Variants in SGCZ observed in about 807,000 individuals in gnomAD.
SGCZ encodes the protein zeta-sarcoglycan.
Under a neutral mutation model 41.3 loss-of-function variants are expected in SGCZ, and 40 were observed. The ratio of observed to expected loss-of-function variants is 0.97; its 90% confidence interval spans 0.75 to 1.26. SGCZ has a LOEUF of 1.26. SGCZ is among the 50% of genes most tolerant of loss of function. The pLI is 0.00. For synonymous variants in SGCZ, 206 were observed against 137.5 expected (o/e 1.50, Z -3.49); for missense variants, 552 against 369.8 (o/e 1.49, Z -4.04).
intron 5 of SGCZ, among the ~76,000 whole-genome samples, chr8:14,126,041 G>A (rs1336859313): frequency 2.6e-5 from 4 of 152,164 alleles, no homozygotes; most frequent in African/African-American, 9.7e-5. Context: ...AGAAAGGCTA[G>A]GCAATAACAT....
At chr8:14,349,852 A>G (rs1003597479) in intron 2 of SGCZ, among the ~76,000 whole-genome samples, 13 of 152,156 alleles carry the variant, frequency 8.5e-5, no homozygotes, top group African/African-American at 2.9e-4. Context: ...CTATGACCAA[A>G]TAAGTTAGAA....
intron 6 of SGCZ, among the ~76,000 whole-genome samples, chr8:14,105,999 ATATT>A (rs1398695330): frequency 5.9e-5 from 9 of 152,122 alleles, no homozygotes; most frequent in Non-Finnish European, 1.0e-4. Context: ...AGCTGTGTCT[ATATT>A]AAAACACAGA....
At chr8:15,066,152 C>CA (rs1302783353) in intron 1 of SGCZ, among the ~76,000 whole-genome samples, 2 of 151,382 alleles carry the variant, frequency 1.3e-5, no homozygotes, top group Non-Finnish European at 2.9e-5. Context: ...ACCAAAAATA[C>CA]AAAAAATTAG....
chr8:14,382,409 A>C (rs1382656809), intron 2 of SGCZ, among the ~76,000 whole-genome samples: 1 of 151,208 alleles, frequency 6.6e-6, no homozygotes, highest in East Asian at 1.9e-4. Flanking sequence ...GGTCACTAAC[A>C]AAAAAATTTA....
intron 3 of SGCZ, among the ~76,000 whole-genome samples, chr8:14,314,739 T>G (rs1326488660): frequency 6.6e-6 from 1 of 152,172 alleles, no homozygotes. Flanking sequence ...AATTTACTTA[T>G]GTTTGTATTT....
At chr8:14,726,833 G>C (rs1449063464) in intron 1 of SGCZ, among the ~76,000 whole-genome samples, 1 of 151,662 alleles carries the variant, frequency 6.6e-6, no homozygotes, top group East Asian at 1.9e-4. Context: ...GCCAAATACT[G>C]TCTGTCACCT....
At chr8:14,833,881 A>C (rs1408321541) in intron 1 of SGCZ, among the ~76,000 whole-genome samples, 1 of 152,190 alleles carries the variant, frequency 6.6e-6, no homozygotes, top group Admixed American at 6.5e-5. Flanking sequence ...CTCTAAGAAT[A>C]TTTATGAAAA....
At chr8:14,486,637 C>A (rs567530679) in intron 2 of SGCZ, among the ~76,000 whole-genome samples, 6 of 152,288 alleles carry the variant, frequency 3.9e-5, no homozygotes, top group African/African-American at 1.4e-4. Context: ...GCCACGGCAC[C>A]ATCACGGCTC....
At chr8:14,860,432 G>A (rs985590507) in intron 1 of SGCZ, among the ~76,000 whole-genome samples, 1 of 150,820 alleles carries the variant, frequency 6.6e-6, no homozygotes. Context: ...ATGGAGGGAG[G>A]GAGAGGGAAA....
At chr8:14,734,823 G>T (rs531814460) in intron 1 of SGCZ, among the ~76,000 whole-genome samples, 1 of 141,732 alleles carries the variant, frequency 7.1e-6, no homozygotes, top group African/African-American at 2.7e-5. Context: ...AATAAAAATT[G>T]TATGTAGTGG....
chr8:14,947,790 A>G (rs764562349), intron 1 of SGCZ, among the ~76,000 whole-genome samples: 25 of 152,172 alleles, frequency 1.6e-4, no homozygotes, highest in South Asian at 8.3e-4. Flanking sequence ...CGTTCAGTAT[A>G]ACTTTGACTG....
Position 14,390,003 on chromosome 8 carries a change from T to C in SGCZ, c.235-65799A>G, listed in dbSNP as rs77671615. On this transcript the variant is annotated intron_variant, in intron 2 of 7. Transcript: ENST00000382080. ...TTTTGTAAGTAGGGGTTTACAGTTATTTTCTTCCTGCAAGACTGAAGAAAA... is the reference window on the plus strand; with the variant it reads ...TTTTGTAAGTAGGGGTTTACAGTTACTTTCTTCCTGCAAGACTGAAGAAAA... Among the ~76,000 whole-genome samples the C allele has an allele frequency of 8.7e-3, 1,323 of 152,062 alleles. 24 individuals carry two copies. The highest frequency in any genetic ancestry group is 0.03 in the African/African-American group (1,260 of 41,516).
intron 1 of SGCZ, among the ~76,000 whole-genome samples, chr8:14,702,970 TAGAC>T (rs3988432): frequency 0.26 from 33,877 of 128,948 alleles, 4,228 homozygotes; most frequent in East Asian, 0.38. Context: ...GATAGATAGA[TAGAC>T]AGACAGACAG....
chr8:15,122,773 G>T (rs11780948), intron 1 of SGCZ, among the ~76,000 whole-genome samples: 1 of 152,072 alleles, frequency 6.6e-6, no homozygotes, highest in South Asian at 2.1e-4. Flanking sequence ...ATGAATATCA[G>T]TAACAGTTCC....
chr8:14,942,098 G>T (rs1039634831), intron 1 of SGCZ, among the ~76,000 whole-genome samples: 1 of 151,840 alleles, frequency 6.6e-6, no homozygotes, highest in Non-Finnish European at 1.5e-5. Context: ...CCTGAAGCTC[G>T]CCTGTTTCCC....
At chr8:14,657,740 A>C (rs1807622713) in intron 1 of SGCZ, among the ~76,000 whole-genome samples, 1 of 152,182 alleles carries the variant, frequency 6.6e-6, no homozygotes, top group Non-Finnish European at 1.5e-5. Context: ...CAATCCATCA[A>C]TGTATCTTAC....
At chr8:14,122,229 A>T (rs1307962612) in intron 5 of SGCZ, among the ~76,000 whole-genome samples, 2 of 152,160 alleles carry the variant, frequency 1.3e-5, no homozygotes, top group African/African-American at 2.4e-5. Context: ...GTTAGCTGAG[A>T]TTGCGCCACT....
intron 2 of SGCZ, among the ~76,000 whole-genome samples, chr8:14,422,573 C>A (rs544205598): frequency 6.6e-6 from 1 of 152,104 alleles, no homozygotes; most frequent in Non-Finnish European, 1.5e-5. Context: ...TTATGTGGAG[C>A]GACTTTTCTG....
intron 3 of SGCZ, among the ~76,000 whole-genome samples, chr8:14,273,313 C>A (rs1281283145): frequency 6.6e-6 from 1 of 152,056 alleles, no homozygotes; most frequent in African/African-American, 2.4e-5. Context: ...TTGAAAATGA[C>A]CTAATATTTC....
Sources: gnomAD v4.1 joint callset for allele counts (sites outside exome capture counted in the v4.1 genomes callset) on GRCh38, gnomAD v4.1.1 for gene constraint, MANE v1.5 for transcripts, NCBI Gene and HGNC (gene_info 2026-07-23, HGNC 2026-07-21) for gene names.